The following FGF10 variants were observed in gnomAD, a reference collection of about 807,000 sequenced individuals.
FGF10 encodes fibroblast growth factor 10.
Under a neutral mutation model 19.8 loss-of-function variants are expected in FGF10, and 2 were observed. The observed-to-expected ratio is 0.10, with a 90% confidence interval of 0.04 to 0.32. FGF10 has a LOEUF of 0.32. Among genes scored for constraint, FGF10 ranks in the 10% least tolerant of loss-of-function variants. FGF10 has a pLI of 1.00. For missense variants in FGF10, 191 were observed against 246.3 expected, an observed-to-expected ratio of 0.78 and a Z score of 1.50; for synonymous variants, 112 against 94.0, an observed-to-expected ratio of 1.19 and a Z score of -1.10.
intron 1 of FGF10, among the ~76,000 whole-genome samples, chr5:44,311,081 A>T (rs1740199292): frequency 6.6e-6 from 1 of 152,106 alleles, no homozygotes; most frequent in Admixed American, 6.6e-5. Flanking sequence ...ACATTCTGAG[A>T]TACAGGGAGA....
At chr5:44,367,808 A>T (rs1741653181) in intron 1 of FGF10, among the ~76,000 whole-genome samples, 1 of 151,336 alleles carries the variant, frequency 6.6e-6, no homozygotes, top group African/African-American at 2.4e-5. Flanking sequence ...GTTTGCATTA[A>T]TCATTCAATG....
At chr5:44,369,300 C>G (rs1741691859) in intron 1 of FGF10, among the ~76,000 whole-genome samples, 1 of 152,074 alleles carries the variant, frequency 6.6e-6, no homozygotes, top group Non-Finnish European at 1.5e-5. Flanking sequence ...TTAAAGAACT[C>G]TTTGAGTTCA....
At position 44,388,304 on chromosome 5, in the gene FGF10, G is replaced by T. The variant is rs533983497; in HGVS notation, c.325+54C>A. 4.3e-4 allele frequency: 665 copies of T among 1,529,392 alleles called. 11 individuals carry two copies. The South Asian group carries it at 5.7e-3, about 13-fold the overall frequency. 94.7% of individuals were successfully genotyped at this position (1,529,392 alleles called of 1,614,324 possible). Reference sequence around the variant, plus strand: ...CATCTGGAACAGATTTTTCCCCCCCGTGTGGGCTGGGGGTGGATAATTGGA... The same window carrying T: ...CATCTGGAACAGATTTTTCCCCCCCTTGTGGGCTGGGGGTGGATAATTGGA... On this transcript the variant is annotated intron_variant, in intron 1 of 2. Transcript: ENST00000264664.
chr5:44,380,292 A>T (rs1741956231), intron 1 of FGF10, among the ~76,000 whole-genome samples: 1 of 152,208 alleles, frequency 6.6e-6, no homozygotes, highest in Non-Finnish European at 1.5e-5. Flanking sequence ...TTATTATTAA[A>T]ACATAAATTT....
intron 1 of FGF10, among the ~76,000 whole-genome samples, chr5:44,376,713 CAGA>C (rs1391730074): frequency 6.6e-6 from 1 of 151,754 alleles, no homozygotes; most frequent in Admixed American, 6.6e-5. Flanking sequence ...TAGTGAAGAG[CAGA>C]AGAACTCTTC....
At chr5:44,348,445 G>C (rs919476162) in intron 1 of FGF10, among the ~76,000 whole-genome samples, 3 of 151,338 alleles carry the variant, frequency 2.0e-5, no homozygotes, top group Non-Finnish European at 4.4e-5. Context: ...CTTAACATGG[G>C]ATCTGGATTT....
intron 1 of FGF10, among the ~76,000 whole-genome samples, chr5:44,345,896 A>G (rs1034078239): frequency 1.3e-5 from 2 of 151,690 alleles, no homozygotes; most frequent in African/African-American, 4.8e-5. Context: ...TTGACGTTGG[A>G]CTCAGGCCTA....
chr5:44,347,410 C>T (rs1741112778), intron 1 of FGF10, among the ~76,000 whole-genome samples: 1 of 151,744 alleles, frequency 6.6e-6, no homozygotes, highest in Non-Finnish European at 1.5e-5. Flanking sequence ...TTTGCCTAGT[C>T]TGGCTCTGCC....
intron 1 of FGF10, among the ~76,000 whole-genome samples, chr5:44,373,729 G>A (rs982811162): frequency 6.8e-4 from 104 of 152,202 alleles, no homozygotes; most frequent in African/African-American, 2.5e-3. Flanking sequence ...TCTAAATGAG[G>A]TAGGCATTCT....
rs529436171 is a variant in FGF10 at position 44,344,447 on chromosome 5, T to A, written c.326-33917A>T. ...TTGTTAAAAAGATTAAATGAATTTTTTTATTACAAAATTTCAAACAAACAG... is the reference window on the plus strand; with the variant it reads ...TTGTTAAAAAGATTAAATGAATTTTATTATTACAAAATTTCAAACAAACAG... On this transcript the variant is annotated intron_variant, in intron 1 of 2. Coordinates refer to ENST00000264664, the MANE Select transcript of FGF10 (RefSeq NM_004465.2). Among the ~76,000 whole-genome samples the A allele has an allele frequency of 5.3e-5, 8 of 151,992 alleles. 1 individual carries two copies. The highest frequency in any genetic ancestry group is 2.1e-4 in the South Asian group (1 of 4,824).
chr5:44,316,807 G>A (rs1181362771), intron 1 of FGF10, among the ~76,000 whole-genome samples: 1 of 152,156 alleles, frequency 6.6e-6, no homozygotes, highest in Non-Finnish European at 1.5e-5. Context: ...CAGATATACT[G>A]CATTGTTGTT....
Position 44,326,718 on chromosome 5 carries a change from T to C in FGF10, c.326-16188A>G, listed in dbSNP as rs1047467266. ...TATTGAAAGCATACTTCTTTCTTCA[T>C]ATGGACCTCATCTGCCTCTCTTACC... is the stretch of plus-strand genomic sequence containing the variant. On this transcript the variant is annotated intron_variant, in intron 1 of 2. Transcript: ENST00000264664. 2.0e-5 allele frequency among the ~76,000 whole-genome samples: 3 copies of C among 152,118 alleles called. No individual in the cohort carries two copies. In the East Asian group the frequency reaches 5.8e-4, roughly 29 times the overall value.
intron 1 of FGF10, among the ~76,000 whole-genome samples, chr5:44,366,188 C>A (rs1219984642): frequency 8.5e-6 from 1 of 118,244 alleles, no homozygotes; most frequent in African/African-American, 3.1e-5. Flanking sequence ...CTAATGGAAA[C>A]CAATTAGAAT....
intron 1 of FGF10, among the ~76,000 whole-genome samples, chr5:44,387,635 G>T (rs1310400089): frequency 6.6e-6 from 1 of 152,156 alleles, no homozygotes; most frequent in East Asian, 1.9e-4. Flanking sequence ...ATGCAGACAT[G>T]AGCATCATGT....
rs906544472 is a variant in FGF10 at position 44,302,663 on chromosome 5, C to A, written c.*2332G>T. The stretch of plus-strand genomic sequence containing the variant: ...TACAGGTGTGAGCTACTGCACCAGG[C>A]AGGTTTTTTGTCTTTCTGTGAGGGA... On this transcript the variant is annotated 3_prime_UTR_variant, in exon 3 of 3. Transcript: ENST00000264664. Among the ~76,000 whole-genome samples, 2 of 152,124 alleles carry A rather than the reference C, an allele frequency of 1.3e-5. No individual in the cohort carries two copies. The highest frequency in any genetic ancestry group is 2.4e-5 in the African/African-American group (1 of 41,438).
chr5:44,378,912 C>T (rs946542938), intron 1 of FGF10, among the ~76,000 whole-genome samples: 2 of 152,104 alleles, frequency 1.3e-5, no homozygotes, highest in African/African-American at 2.4e-5. Flanking sequence ...TTGATTAAGG[C>T]TTATGATGTG....
chr5:44,321,189 G>T (rs1268874979), intron 1 of FGF10, among the ~76,000 whole-genome samples: 2 of 152,148 alleles, frequency 1.3e-5, no homozygotes, highest in Admixed American at 6.6e-5. Context: ...ACTTACAGAA[G>T]AGGCTGCAGT....
At chr5:44,368,437 A>C (rs944888598) in intron 1 of FGF10, among the ~76,000 whole-genome samples, 1 of 152,048 alleles carries the variant, frequency 6.6e-6, no homozygotes, top group Non-Finnish European at 1.5e-5. Context: ...CACCTCCATG[A>C]AGTCTTTTGG....
intron 1 of FGF10, among the ~76,000 whole-genome samples, chr5:44,323,433 C>T (rs1375377558): frequency 6.6e-6 from 1 of 152,062 alleles, no homozygotes; most frequent in Non-Finnish European, 1.5e-5. Context: ...CATTATAGTA[C>T]AGATAACATG....
Sources: allele counts gnomAD v4.1 joint callset (sites outside exome capture counted in the v4.1 genomes callset), GRCh38; gene constraint gnomAD v4.1.1; transcripts MANE v1.5; gene names NCBI Gene and HGNC (gene_info 2026-07-23, HGNC 2026-07-21).